Variants in NFIB observed in about 807,000 individuals in gnomAD.
The protein encoded by NFIB is nuclear factor 1 B-type.
A neutral mutation model predicts 61.5 loss-of-function variants in NFIB; 11 were observed. That is an observed-to-expected ratio of 0.18 (90% CI 0.11 to 0.30). The LOEUF (loss-of-function observed/expected upper bound fraction) is 0.30. NFIB is among the 10% of genes least tolerant of loss of function. The probability of loss-of-function intolerance (pLI) is 1.00; values close to 1 mark genes in which losing one functional copy is unlikely to be tolerated. For synonymous variants in NFIB, 260 were observed against 216.5 expected (o/e 1.20, Z -1.76); for missense variants, 471 against 608.9 (o/e 0.77, Z 2.38).
the NFIB span, among the ~76,000 whole-genome samples, chr9:14,505,546 G>A: frequency 1.3e-5 from 2 of 152,062 alleles, no homozygotes. Flanking sequence ...GGGGACTAGG[G>A]GCTGCTGGTG....
intron 9 of NFIB, 148 bp from the exon 10 acceptor site, chr9:14,113,229 C>G: frequency 1.6e-6 from 1 of 617,846 alleles, no homozygotes; most frequent in Non-Finnish European, 2.7e-6. Context: ...TGAGTGAACA[C>G]CAAGTGATAG....
At chr9:14,299,018 T>A (rs2059606193) in intron 2 of NFIB, among the ~76,000 whole-genome samples, 1 of 152,142 alleles carries the variant, frequency 6.6e-6, no homozygotes, top group African/African-American at 2.4e-5. Flanking sequence ...GTCAGAATAA[T>A]AAAATACAAG....
At chr9:14,187,065 G>GTGTGTGTGTA (rs1554666429) in intron 2 of NFIB, among the ~76,000 whole-genome samples, 48 of 130,918 alleles carry the variant, frequency 3.7e-4, no homozygotes, top group South Asian at 1.2e-3. Flanking sequence ...GTGTGTGTGT[G>GTGTGTGTGTA]TGTGTGTGCC....
the NFIB span, among the ~76,000 whole-genome samples, chr9:14,413,217 G>A: frequency 5.0e-4 from 76 of 152,242 alleles, no homozygotes; most frequent in African/African-American, 1.6e-3. Flanking sequence ...GGACACACTT[G>A]GGGCAGCTGG....
intron 9 of NFIB, 28 bp downstream of exon 9, chr9:14,116,180 C>A: frequency 6.8e-7 from 1 of 1,478,824 alleles, no homozygotes; most frequent in East Asian, 2.7e-5. Flanking sequence ...GAAATACTTA[C>A]TGGTTGCTGT....
chr9:14,179,917 CTT>C (rs1294215618), intron 2 of NFIB, 137 bp from the exon 3 acceptor site: 3 of 712,346 alleles, frequency 4.2e-6, no homozygotes, highest in Non-Finnish European at 6.8e-6. Context: ...TTTCCCAAGA[CTT>C]TTGATAGAAA....
At chr9:14,218,070 A>C (rs2051162723) in intron 2 of NFIB, among the ~76,000 whole-genome samples, 1 of 152,132 alleles carries the variant, frequency 6.6e-6, no homozygotes, top group South Asian at 2.1e-4. Flanking sequence ...TGTAGATTTC[A>C]TCGAACTTTT....
chr9:14,134,755 GC>G (rs1341847648), intron 6 of NFIB, among the ~76,000 whole-genome samples: 7 of 151,870 alleles, frequency 4.6e-5, no homozygotes, highest in African/African-American at 1.7e-4. Context: ...AAATTAGCTG[GC>G]CATGGTGGCG....
intron 1 of NFIB, among the ~76,000 whole-genome samples, chr9:14,386,974 C>G (rs918972539): frequency 2.0e-5 from 3 of 152,096 alleles, no homozygotes; most frequent in Admixed American, 6.5e-5. Context: ...ACTGTAAACT[C>G]TGAAATTTTA....
At chr9:14,442,805 G>A in the NFIB span, among the ~76,000 whole-genome samples, 1 of 152,008 alleles carries the variant, frequency 6.6e-6, no homozygotes, top group Admixed American at 6.6e-5. Context: ...CCTTTTTGAG[G>A]GGACACGGCT....
chr9:14,369,789 T>A (rs2061338835), intron 1 of NFIB, among the ~76,000 whole-genome samples: 1 of 152,202 alleles, frequency 6.6e-6, no homozygotes, highest in Non-Finnish European at 1.5e-5. Context: ...ATTCAGTACT[T>A]CACCATCTTT....
rs1043030356 is a variant in NFIB at position 14,086,329 on chromosome 9, C to T, written c.*1980G>A. The T allele has an allele frequency of 1.8e-5, 4 of 221,814 alleles. No individual in the cohort carries two copies. Among genetic ancestry groups the T allele is most frequent in the Non-Finnish European group, 3.6e-5 (4 of 110,658 alleles). The allele number at this position is 221,814 out of a possible 1,614,324, so 13.7% of individuals were successfully genotyped here. ...GGACCTCATCACACTGCAAAAATAG[C>T]AGTACCCACTTTGGTCAATTAAAAC... On this transcript the variant is annotated 3_prime_UTR_variant, in exon 11 of 11. Coordinates refer to ENST00000380953, the MANE Select transcript of NFIB (RefSeq NM_001190737.2).
At chr9:14,186,601 G>C (rs1288686515) in intron 2 of NFIB, among the ~76,000 whole-genome samples, 1 of 151,666 alleles carries the variant, frequency 6.6e-6, no homozygotes, top group Admixed American at 6.6e-5. Context: ...GGGTAATGGA[G>C]AGCAAACTAT....
At chr9:14,188,712 C>T (rs930167228) in intron 2 of NFIB, among the ~76,000 whole-genome samples, 10 of 152,280 alleles carry the variant, frequency 6.6e-5, no homozygotes, top group African/African-American at 2.2e-4. Flanking sequence ...AAGTCCTTTC[C>T]AAAACCCAGC....
At chr9:14,456,219 T>C in the NFIB span, among the ~76,000 whole-genome samples, 1 of 152,018 alleles carries the variant, frequency 6.6e-6, no homozygotes, top group Non-Finnish European at 1.5e-5. Flanking sequence ...ATTTTTTTTT[T>C]TTTATCATTT....
chr9:14,514,097 T>C, the NFIB span, among the ~76,000 whole-genome samples: 1 of 152,186 alleles, frequency 6.6e-6, no homozygotes, highest in Non-Finnish European at 1.5e-5. Flanking sequence ...TGTGGCAATG[T>C]AGCTTTGAGG....
intron 2 of NFIB, among the ~76,000 whole-genome samples, chr9:14,232,865 C>A (rs1472792746): frequency 1.3e-5 from 2 of 152,158 alleles, no homozygotes. Context: ...CTATCCTAGT[C>A]TATAATCAAA....
chr9:14,287,787 A>G (rs2058816714), intron 2 of NFIB, among the ~76,000 whole-genome samples: 1 of 152,068 alleles, frequency 6.6e-6, no homozygotes, highest in South Asian at 2.1e-4. Context: ...TGGAAGAGGC[A>G]TCATTTACAG....
the NFIB span, among the ~76,000 whole-genome samples, chr9:14,518,934 T>C: frequency 1.3e-5 from 2 of 152,072 alleles, no homozygotes; most frequent in Non-Finnish European, 2.9e-5. Flanking sequence ...AAGGGGGCTA[T>C]TGGAAGGAGG....
Sources: allele counts gnomAD v4.1 joint callset (sites outside exome capture counted in the v4.1 genomes callset), GRCh38; gene constraint gnomAD v4.1.1; transcripts MANE v1.5; gene names NCBI Gene and HGNC (gene_info 2026-07-23, HGNC 2026-07-21).